Variants in BDH1 observed in about 807,000 individuals in gnomAD.
BDH1 encodes D-beta-hydroxybutyrate dehydrogenase, mitochondrial.
BDH1 carries 30 observed loss-of-function variants against 33.1 expected under a neutral mutation model. The ratio of observed to expected loss-of-function variants is 0.91; its 90% confidence interval spans 0.68 to 1.23. The LOEUF (loss-of-function observed/expected upper bound fraction) is 1.23. Ranked by LOEUF, BDH1 falls within the 50% of genes most tolerant of loss-of-function variation. The pLI is 0.00. For missense variants in BDH1, 443 were observed against 464.4 expected (o/e 0.95, Z 0.42); for synonymous variants, 190 against 183.6 (o/e 1.03, Z -0.28).
Position 197,514,144 on chromosome 3 carries a change from C to G in BDH1, c.562+120G>C, listed in dbSNP as rs184419812. ...GGCCCAGCATAGTCCCTGGGATTCACGAGCTCACCTCTGCTGAGTTGTGGA... is the reference window on the plus strand; with the variant it reads ...GGCCCAGCATAGTCCCTGGGATTCAGGAGCTCACCTCTGCTGAGTTGTGGA... On this transcript the variant is annotated intron_variant, in intron 7 of 7. Transcript: ENST00000392379. The surrounding 1 kb of genome is among the most constrained non-coding windows in gnomAD (Gnocchi z 4.2). The G allele has an allele frequency of 1.1e-5, 15 of 1,332,322 alleles. 1 individual carries two copies. The African/African-American group carries it at 2.1e-4, about 19-fold the overall frequency. The allele number at this position is 1,332,322 out of a possible 1,614,324, so 82.5% of individuals were successfully genotyped here.
intron 1 of BDH1, among the ~76,000 whole-genome samples, chr3:197,561,756 A>T (rs1717267718): frequency 6.6e-6 from 1 of 152,142 alleles, no homozygotes; most frequent in Non-Finnish European, 1.5e-5. Flanking sequence ...TCTGGCCAAA[A>T]TTTCTCACAG....
rs758384765 is a variant in BDH1 at position 197,512,236 on chromosome 3, C to T, written c.691G>A (p.Val231Met). The change falls in exon 8 of 8, where the codon GTG (valine) becomes ATG (methionine). Residue 231 changes from valine to methionine, a missense_variant. By Grantham distance (21) the Val-to-Met change is conservative. Coordinates refer to ENST00000392379, the MANE Select transcript of BDH1 (RefSeq NM_203314.3). ...CLRYEMYPLGVKVSVVEPGNF... is the reference protein window; with the variant it reads ...CLRYEMYPLGMKVSVVEPGNF... ...CCGGGCTCCACCACGCTGACCTTCA[C>T]GCCCAGGGGGTACATCTCATAGCGC... is the stretch of plus-strand genomic sequence containing the variant. 1.9e-6 allele frequency: 3 copies of T among 1,613,664 alleles called. No homozygotes were observed. Among genetic ancestry groups the T allele is most frequent in the Non-Finnish European group, 2.5e-6 (3 of 1,180,030 alleles).
intron 3 of BDH1, among the ~76,000 whole-genome samples, chr3:197,539,244 A>G (rs994422677): frequency 3.7e-4 from 57 of 152,078 alleles, no homozygotes; most frequent in African/African-American, 1.4e-3. Context: ...GGTTCAAGCA[A>G]TTCTCCTGCT....
Position 197,525,033 on chromosome 3 carries a change from C to A in BDH1, c.268-2252G>T, listed in dbSNP as rs991879617. Among the ~76,000 whole-genome samples the A allele has an allele frequency of 1.3e-5, 2 of 152,150 alleles. No homozygotes were observed. Among genetic ancestry groups the A allele is most frequent in the Admixed American group, 1.3e-4 (2 of 15,286 alleles). On this transcript the variant is annotated intron_variant, in intron 5 of 7. Coordinates refer to ENST00000392379, the MANE Select transcript of BDH1 (RefSeq NM_203314.3). The surrounding 1 kb of genome is among the most constrained non-coding windows in gnomAD (Gnocchi z 4.9). ...GTTTGGCTCTGAAATCCCCTAGGTGCGCCGACCTTCCCAAACAAGACGCAG... is the reference window on the plus strand; with the variant it reads ...GTTTGGCTCTGAAATCCCCTAGGTGAGCCGACCTTCCCAAACAAGACGCAG...
At position 197,512,351 on chromosome 3, in the gene BDH1, A is replaced by G; in HGVS notation, c.576T>C (p.Asn192=). The G allele has an allele frequency of 6.2e-7, 1 of 1,605,966 alleles. No homozygotes were observed. The highest frequency in any genetic ancestry group is 8.5e-7 in the Non-Finnish European group (1 of 1,178,302). Residue 192 remains asparagine (N), a synonymous_variant, in exon 8 of 8, where the codon AAT becomes AAC. Transcript: ENST00000392379. ...CCATGCGGCCCAGCATGCTGCTGAT[A>G]TTGACGACGCGGCCTACAGAGGGAG... ...LIRRAKGRVV[N]ISSMLGRMAN...
intron 3 of BDH1, among the ~76,000 whole-genome samples, chr3:197,538,129 C>T (rs965074402): frequency 6.6e-6 from 1 of 151,984 alleles, no homozygotes; most frequent in Non-Finnish European, 1.5e-5. Context: ...TATGTAATAT[C>T]CAGGGTTTTT....
intron 2 of BDH1, among the ~76,000 whole-genome samples, chr3:197,552,001 C>T (rs959265110): frequency 2.0e-5 from 3 of 152,180 alleles, no homozygotes; most frequent in African/African-American, 7.2e-5. Flanking sequence ...GCTTTAAATA[C>T]GATTCACATG....
chr3:197,566,856 T>C (rs772692910), intron 1 of BDH1, among the ~76,000 whole-genome samples: 7 of 152,214 alleles, frequency 4.6e-5, no homozygotes, highest in Non-Finnish European at 8.8e-5. Flanking sequence ...TTTCCCATTT[T>C]TCCTAATTTG....
chr3:197,540,647 C>T (rs1405612394), intron 3 of BDH1, among the ~76,000 whole-genome samples: 4 of 152,152 alleles, frequency 2.6e-5, no homozygotes, highest in South Asian at 2.1e-4. Flanking sequence ...CCAGCCTGGG[C>T]GAGAGTGAGA....
rs1275954727 is a variant in BDH1, at chr3:197,520,177, G to T, written c.409+2463C>A. 1.3e-5 allele frequency among the ~76,000 whole-genome samples: 2 copies of T among 152,188 alleles called. No homozygotes were observed. The highest frequency in any genetic ancestry group is 2.9e-5 in the Non-Finnish European group (2 of 68,038). ...AGAGTGTGGAGGGGAAGCAGGGAGA[G>T]GGAGGAGAGGGAGACGGGAAGAAAG... is the stretch of plus-strand genomic sequence containing the variant. On this transcript the variant is annotated intron_variant, in intron 6 of 7. Coordinates refer to ENST00000392379, the MANE Select transcript of BDH1 (RefSeq NM_203314.3). This position sits in a 1 kb window ranked among gnomAD's most constrained non-coding sequence, Gnocchi z 6.0.
At position 197,510,598 on chromosome 3, in the gene BDH1, GGGTGTGTGTGTGTGTGTGTGTGTGTGTGT is replaced by G. The variant is rs1711815917; in HGVS notation, c.*1268_*1296del. The G allele has an allele frequency of 8.1e-6, 1 of 123,328 alleles. No homozygotes were observed. The highest frequency in any genetic ancestry group is 1.7e-5 in the Non-Finnish European group (1 of 60,138). The allele number at this position is 123,328 out of a possible 1,614,324, so 7.6% of individuals were successfully genotyped here. ...GCCACGCTGAAGCCCTGCAGAACAG[GGGTGTGTGTGTGTGTGTGTGTGTGTGTGT>G]GTGTGTGTGTGTGTGTGTGTGTGTG... On this transcript the variant is annotated 3_prime_UTR_variant, in exon 8 of 8. Transcript: ENST00000392379.
In BDH1 at chr3:197,521,229, T is replaced by C. The variant is rs1351492786; in HGVS notation, c.409+1411A>G. On this transcript the variant is annotated intron_variant, in intron 6 of 7. Coordinates refer to ENST00000392379, the MANE Select transcript of BDH1 (RefSeq NM_203314.3). This position sits in a 1 kb window ranked among gnomAD's most constrained non-coding sequence, Gnocchi z 4.9. ...TCAGGGAGCTCAAAGGTAAACTTCA[T>C]AGATTCGCTTCTCCAGATGCTGCTG... 6.6e-6 allele frequency among the ~76,000 whole-genome samples: 1 copy of C among 152,126 alleles called. No individual in the cohort carries two copies.
chr3:197,546,804 C>A lies in BDH1; in HGVS notation c.-43-318G>T, dbSNP rs1038875553. On this transcript the variant is annotated intron_variant, in intron 2 of 7. Coordinates refer to ENST00000392379, the MANE Select transcript of BDH1 (RefSeq NM_203314.3). Reference sequence around the variant, plus strand: ...GGCCCAGATCAGTGATCCTCAAACCCGCCAACCACTGGGAGACTCGGGGAC... The same window carrying A: ...GGCCCAGATCAGTGATCCTCAAACCAGCCAACCACTGGGAGACTCGGGGAC... 2.0e-5 allele frequency among the ~76,000 whole-genome samples: 3 copies of A among 152,210 alleles called. No individual in the cohort carries two copies. In the South Asian group the frequency reaches 6.2e-4, roughly 32 times the overall value.
upstream of BDH1, among the ~76,000 whole-genome samples, chr3:197,557,717 A>AAAAC (rs1169687250): frequency 3.3e-5 from 5 of 152,222 alleles, no homozygotes; most frequent in African/African-American, 1.2e-4. The surrounding 1 kb of genome is among the most constrained non-coding windows in gnomAD (Gnocchi z 4.6). Flanking sequence ...ACTGTCTCAA[A>AAAAC]AAACAAACAA....
chr3:197,549,323 A>G (rs1347855663), intron 2 of BDH1, among the ~76,000 whole-genome samples: 1 of 152,216 alleles, frequency 6.6e-6, no homozygotes, highest in Non-Finnish European at 1.5e-5. Flanking sequence ...CTGTCAAGGT[A>G]TAACACATGG....
chr3:197,565,251 TG>T (rs776894807), intron 1 of BDH1, among the ~76,000 whole-genome samples: 1 of 152,190 alleles, frequency 6.6e-6, no homozygotes, highest in African/African-American at 2.4e-5. Flanking sequence ...TAGGGCTTAT[TG>T]TTTGGAAAAT....
In BDH1 at chr3:197,514,415, G is replaced by A; in HGVS notation, c.411C>T (p.Gly137=). The change falls in exon 7 of 8, where the codon GGC becomes GGT. Residue 137 remains glycine (G), a splice_region_variant and synonymous_variant. Transcript: ENST00000392379. The surrounding 1 kb of genome is among the most constrained non-coding windows in gnomAD (Gnocchi z 4.2). The stretch of plus-strand genomic sequence containing the variant: ...CGGCATTGTTAACGAGGCCCCACAT[G>A]CCTGGACAGGAGAGGGATAGATGTG... ...VRSSLKDPEK[G]MWGLVNNAGI... The A allele has an allele frequency of 6.2e-7, 1 of 1,603,598 alleles. No individual in the cohort carries two copies. The highest frequency in any genetic ancestry group is 1.1e-5 in the South Asian group (1 of 89,274).
intron 1 of BDH1, among the ~76,000 whole-genome samples, chr3:197,561,257 A>T (rs1182649941): frequency 6.6e-6 from 1 of 152,170 alleles, no homozygotes; most frequent in Non-Finnish European, 1.5e-5. Flanking sequence ...CAATTTGCTG[A>T]GGTCTGGGAG....
At chr3:197,549,987 T>A (rs181569557) in intron 2 of BDH1, among the ~76,000 whole-genome samples, 8,680 of 116,572 alleles carry the variant, frequency 0.074, 442 homozygotes, top group Middle Eastern at 0.086. Flanking sequence ...ATATATATAT[T>A]TGGCCATTCC....
Sources: gnomAD v4.1 joint callset for allele counts (sites outside exome capture counted in the v4.1 genomes callset) on GRCh38, gnomAD v4.1.1 for gene constraint, Gnocchi (gnomAD v3.1) non-coding constraint, MANE v1.5 for transcripts, NCBI Gene and HGNC (gene_info 2026-07-23, HGNC 2026-07-21) for gene names.